ECI1: variants seen among roughly 807,000 people sequenced by gnomAD.
The protein encoded by ECI1 is enoyl-CoA delta isomerase 1, also known as enoyl-CoA delta isomerase 1, mitochondrial.
A neutral mutation model predicts 34.2 loss-of-function variants in ECI1; 34 were observed. The observed-to-expected ratio is 1.00, with a 90% confidence interval of 0.76 to 1.33. ECI1 has a LOEUF of 1.33. Ranked by LOEUF, ECI1 falls within the 40% of genes most tolerant of loss-of-function variation. The pLI is 0.00. For synonymous variants in ECI1, 211 were observed against 193.0 expected, an observed-to-expected ratio of 1.09 and a Z score of -0.77; for missense variants, 456 against 422.2, an observed-to-expected ratio of 1.08 and a Z score of -0.70.
chr16:2,239,863 G>T lies in ECI1; in HGVS notation c.*116C>A. The T allele has an allele frequency of 8.5e-7, 1 of 1,171,144 alleles. No homozygotes were observed. The highest frequency in any genetic ancestry group is 1.3e-6 in the Non-Finnish European group (1 of 784,540). The allele number at this position is 1,171,144 out of a possible 1,614,324, so 72.5% of individuals were successfully genotyped here. On this transcript the variant is annotated 3_prime_UTR_variant, in exon 7 of 7. Transcript: ENST00000301729. ...GGCTATGAGGAACAGGAACTTCTACGTAACATCAGCAAAATGAAACGCTGG... is the reference window on the plus strand; with the variant it reads ...GGCTATGAGGAACAGGAACTTCTACTTAACATCAGCAAAATGAAACGCTGG...
chr16:2,249,518 GAA>G (rs2093547833), intron 2 of ECI1, among the ~76,000 whole-genome samples: 1 of 151,982 alleles, frequency 6.6e-6, no homozygotes, highest in Non-Finnish European at 1.5e-5. Flanking sequence ...GGTAAAAAAG[GAA>G]AAGTGTTCGT....
chr16:2,249,873 T>C (rs1422735392), intron 2 of ECI1, among the ~76,000 whole-genome samples: 2 of 19,382 alleles, frequency 1.0e-4, no homozygotes, highest in African/African-American at 4.5e-4. Flanking sequence ...CAAGACTCCG[T>C]CTCAAAAAAA....
At chr16:2,248,391 G>A (rs2093545336) in intron 2 of ECI1, among the ~76,000 whole-genome samples, 1 of 150,514 alleles carries the variant, frequency 6.6e-6, no homozygotes, top group Non-Finnish European at 1.5e-5. Context: ...GAGCCACCAT[G>A]CCCGGCCAAA....
rs1315508621 is a variant in ECI1 at position 2,240,076 on chromosome 16, T to G, written c.812A>C (p.Asp271Ala). The G allele has an allele frequency of 6.2e-7, 1 of 1,614,046 alleles. No homozygotes were observed. Among genetic ancestry groups the G allele is most frequent in the Admixed American group, 1.7e-5 (1 of 60,024 alleles). The change falls in exon 7 of 7, where the codon GAT becomes GCT. Residue 271 changes from aspartate to alanine, a missense_variant. Asp to Ala is a moderately radical substitution (Grantham distance 126, BLOSUM62 -2). Coordinates refer to ENST00000301729, the MANE Select transcript of ECI1 (RefSeq NM_001919.4). The part of the protein sequence containing the change: ...ATASRLVTQR[D>A]ADVQNFVSFI... The stretch of plus-strand genomic sequence containing the variant: ...GCTGACGAAGTTCTGCACGTCCGCA[T>G]CGCGCTGCGTGACCAGGCGGCTGGC...
chr16:2,248,922 G>A (rs1737013796), intron 2 of ECI1, among the ~76,000 whole-genome samples: 1 of 152,124 alleles, frequency 6.6e-6, no homozygotes, highest in South Asian at 2.1e-4. Flanking sequence ...TCCTGCTCCA[G>A]CCATATTCCA....
chr16:2,246,806 G>A, intron 3 of ECI1, 53 bp downstream of exon 3: 3 of 1,610,524 alleles, frequency 1.9e-6, no homozygotes, highest in Non-Finnish European at 8.5e-7. Flanking sequence ...GCTCACATCA[G>A]AGAACTCAGG....
intron 2 of ECI1, among the ~76,000 whole-genome samples, chr16:2,247,403 A>AAG (rs2093542928): frequency 6.6e-6 from 1 of 151,308 alleles, no homozygotes; most frequent in African/African-American, 2.4e-5. Flanking sequence ...TCCTATTTTT[A>AAG]TTTACTTTTT....
intron 2 of ECI1, among the ~76,000 whole-genome samples, chr16:2,247,881 T>C (rs1180974529): frequency 6.6e-6 from 1 of 151,938 alleles, no homozygotes; most frequent in Non-Finnish European, 1.5e-5. Context: ...TAATCTTTTT[T>C]ATTTTTTAGT....
chr16:2,244,583 C>T, intron 3 of ECI1, 31 bp from the exon 4 acceptor site: 1 of 1,562,544 alleles, frequency 6.4e-7, no homozygotes, highest in Non-Finnish European at 8.7e-7. Context: ...ACATGCCCAT[C>T]AGAGTCCACC....
rs113561172 is a variant in ECI1 at position 2,243,263 on chromosome 16, C to T, written c.564-39G>A. 145 of 1,613,158 alleles carry T rather than the reference C, an allele frequency of 9.0e-5. No homozygotes were observed. In the African/African-American group the frequency reaches 9.1e-4, roughly 10 times the overall value. ...CACCCACTCACCACATGGCCCCAGG[C>T]GGGTCTGTTCCCTCCACAACAAGCA... is the stretch of plus-strand genomic sequence containing the variant. On this transcript the variant is annotated intron_variant, in intron 5 of 6. Coordinates refer to ENST00000301729, the MANE Select transcript of ECI1 (RefSeq NM_001919.4).
chr16:2,250,261 CAAAAAAAAAAAA>C (rs560687371), intron 2 of ECI1, among the ~76,000 whole-genome samples: 1 of 67,632 alleles, frequency 1.5e-5, no homozygotes, highest in Non-Finnish European at 2.7e-5. Context: ...ACTACATCTC[CAAAAAAAAAAAA>C]AAAAAAAAAA....
In ECI1 at chr16:2,239,762, C is replaced by G; in HGVS notation, c.*217G>C. On this transcript the variant is annotated 3_prime_UTR_variant, in exon 7 of 7. Transcript: ENST00000301729. ...CCAGTCACAATCCCAAGTCAAAAGGCTGCCCTCCAACTCCCCTTGCCTGAC... is the reference window on the plus strand; with the variant it reads ...CCAGTCACAATCCCAAGTCAAAAGGGTGCCCTCCAACTCCCCTTGCCTGAC... 1 of 588,228 alleles carries G rather than the reference C, an allele frequency of 1.7e-6. No individual in the cohort carries two copies. The highest frequency in any genetic ancestry group is 1.9e-5 in the African/African-American group (1 of 53,836). 36.4% of individuals were successfully genotyped at this position (588,228 alleles called of 1,614,324 possible).
At chr16:2,247,678 G>A (rs772408299) in intron 2 of ECI1, among the ~76,000 whole-genome samples, 17 of 152,076 alleles carry the variant, frequency 1.1e-4, no homozygotes, top group Non-Finnish European at 2.5e-4. Flanking sequence ...GATTACAGGC[G>A]TAAGCCACAG....
Position 2,251,512 on chromosome 16 carries a change from C to CACCCGCGCGGAGCAGAACGCGCGCCGGG in ECI1, c.27_52+2dup. The CACCCGCGCGGAGCAGAACGCGCGCCGGG allele has an allele frequency of 6.4e-7, 1 of 1,559,282 alleles. No homozygotes were observed. Among genetic ancestry groups the CACCCGCGCGGAGCAGAACGCGCGCCGGG allele is most frequent in the Non-Finnish European group, 8.7e-7 (1 of 1,153,638 alleles). On this transcript the variant is annotated splice_region_variant and intron_variant, in intron 1 of 6. Transcript: ENST00000301729. The stretch of plus-strand genomic sequence containing the variant: ...CGATCCCTGCCCACCCCGGGTTTCG[C>CACCCGCGCGGAGCAGAACGCGCGCCGGG]ACCCGCGCGGAGCAGAACGCGCGCC...
chr16:2,246,736 G>T, intron 3 of ECI1, 123 bp downstream of exon 3: 1 of 1,485,734 alleles, frequency 6.7e-7, no homozygotes, highest in Non-Finnish European at 9.3e-7. Context: ...TGGTGGGGCT[G>T]CCGGCTGGCC....
chr16:2,249,746 C>T (rs1194909023), intron 2 of ECI1, among the ~76,000 whole-genome samples: 11 of 150,942 alleles, frequency 7.3e-5, no homozygotes, highest in Middle Eastern at 3.4e-3. Context: ...GGCGTGGTGG[C>T]GGGCGCCTGT....
chr16:2,249,423 G>T (rs2093547605), intron 2 of ECI1, among the ~76,000 whole-genome samples: 1 of 152,014 alleles, frequency 6.6e-6, no homozygotes, highest in Non-Finnish European at 1.5e-5. Flanking sequence ...ACGGCCACGG[G>T]GTTGTACATT....
At chr16:2,244,301 T>C (rs541692981) in intron 4 of ECI1, 105 bp downstream of exon 4, 1 of 1,359,218 alleles carries the variant, frequency 7.4e-7, no homozygotes, top group Non-Finnish European at 1.0e-6. Context: ...TCTCCAACCG[T>C]CCCCTTCCCC....
intron 3 of ECI1, among the ~76,000 whole-genome samples, chr16:2,245,215 G>T (rs1457643300): frequency 1.3e-5 from 2 of 152,186 alleles, no homozygotes; most frequent in Non-Finnish European, 2.9e-5. Flanking sequence ...AATGACAAGG[G>T]TACCTTCCCC....
Sources: gnomAD v4.1 joint callset for allele counts (sites outside exome capture counted in the v4.1 genomes callset) on GRCh38, gnomAD v4.1.1 for gene constraint, MANE v1.5 for transcripts, NCBI Gene and HGNC (gene_info 2026-07-23, HGNC 2026-07-21) for gene names.